SCFD2: variants seen among roughly 807,000 people sequenced by gnomAD.
SCFD2 encodes the protein sec1 family domain-containing protein 2.
A neutral mutation model predicts 58.9 loss-of-function variants in SCFD2; 54 were observed. The ratio of observed to expected loss-of-function variants is 0.92; its 90% CI spans 0.74 to 1.15. The LOEUF (loss-of-function observed/expected upper bound fraction) is 1.15. SCFD2 is among the 50% of genes most tolerant of loss of function. SCFD2 has a pLI of 0.00. For missense variants in SCFD2, 805 were observed against 836.6 expected (o/e 0.96, Z 0.47); for synonymous variants, 321 against 335.9 (o/e 0.96, Z 0.49).
At chr4:53,012,993 A>G (rs1722132500) in intron 5 of SCFD2, among the ~76,000 whole-genome samples, 1 of 152,092 alleles carries the variant, frequency 6.6e-6, no homozygotes, top group Admixed American at 6.6e-5. Context: ...GAACTCCACC[A>G]CACTTCCACT....
chr4:53,092,880 A>AC (rs1724513842), intron 5 of SCFD2, among the ~76,000 whole-genome samples: 1 of 152,146 alleles, frequency 6.6e-6, no homozygotes, highest in Non-Finnish European at 1.5e-5. Flanking sequence ...GACTAAAAAA[A>AC]CAAAACAGAG....
chr4:53,195,182 G>A (rs1728025543), intron 4 of SCFD2, among the ~76,000 whole-genome samples: 1 of 152,130 alleles, frequency 6.6e-6, no homozygotes, highest in South Asian at 2.1e-4. Context: ...TAAAAATCGA[G>A]TGCTGTAAGG....
intron 2 of SCFD2, among the ~76,000 whole-genome samples, chr4:53,323,919 T>C (rs542356247): frequency 6.6e-6 from 1 of 152,186 alleles, no homozygotes; most frequent in South Asian, 2.1e-4. Context: ...TTCTAAATTT[T>C]TGCAGCCACA....
At chr4:53,131,300 T>C (rs1288384734) in intron 5 of SCFD2, among the ~76,000 whole-genome samples, 1 of 152,188 alleles carries the variant, frequency 6.6e-6, no homozygotes, top group African/African-American at 2.4e-5. Flanking sequence ...TCGGTGGGTA[T>C]GCAACGAGTC....
At chr4:53,177,234 C>T (rs547418941) in intron 4 of SCFD2, among the ~76,000 whole-genome samples, 1 of 152,262 alleles carries the variant, frequency 6.6e-6, no homozygotes, top group East Asian at 1.9e-4. Flanking sequence ...ATCATATAAG[C>T]AGACAATGAT....
intron 4 of SCFD2, among the ~76,000 whole-genome samples, chr4:53,152,039 A>G (rs558456828): frequency 6.6e-6 from 1 of 152,142 alleles, no homozygotes; most frequent in African/African-American, 2.4e-5. Flanking sequence ...TAACCCAAAC[A>G]TCTCCCACCA....
chr4:53,003,759 T>C (rs2148802198), intron 5 of SCFD2, among the ~76,000 whole-genome samples: 1 of 152,330 alleles, frequency 6.6e-6, no homozygotes, highest in South Asian at 2.1e-4. Flanking sequence ...GTACATTTGG[T>C]CAATGAAGGC....
intron 4 of SCFD2, among the ~76,000 whole-genome samples, chr4:53,230,900 C>G (rs933547251): frequency 7.9e-5 from 12 of 152,014 alleles, no homozygotes; most frequent in African/African-American, 2.9e-4. Flanking sequence ...CTATAAAGAA[C>G]TATACATACA....
At chr4:52,920,974 T>G (rs1272016126) in intron 5 of SCFD2, 104 bp from the exon 6 acceptor site, 56 of 442,280 alleles carry the variant, frequency 1.3e-4, no homozygotes, top group Non-Finnish European at 2.0e-4. Flanking sequence ...TTTTTTTCTT[T>G]ATTATTATTA....
At chr4:53,249,608 C>T (rs1390883574) in intron 4 of SCFD2, among the ~76,000 whole-genome samples, 11 of 152,134 alleles carry the variant, frequency 7.2e-5, no homozygotes, top group Non-Finnish European at 1.0e-4. Flanking sequence ...GCAGATCTCT[C>T]GGCAAAAACT....
chr4:52,910,271 C>T (rs1202246629), intron 6 of SCFD2, among the ~76,000 whole-genome samples: 1 of 152,178 alleles, frequency 6.6e-6, no homozygotes, highest in Non-Finnish European at 1.5e-5. Context: ...TCTCTGCTGG[C>T]TGGAATGTAG....
chr4:53,133,220 C>T (rs955830237), intron 5 of SCFD2, among the ~76,000 whole-genome samples: 2 of 149,526 alleles, frequency 1.3e-5, no homozygotes, highest in Admixed American at 6.7e-5. Flanking sequence ...CCCAGCTACT[C>T]GGGAGGCTGA....
chr4:53,128,147 C>T (rs184282763), intron 5 of SCFD2, among the ~76,000 whole-genome samples: 3 of 148,554 alleles, frequency 2.0e-5, no homozygotes, highest in Admixed American at 2.0e-4. Context: ...TAAATTTAGA[C>T]ATAAATTGGC....
intron 7 of SCFD2, among the ~76,000 whole-genome samples, chr4:52,888,146 A>G (rs1203468158): frequency 6.6e-6 from 1 of 151,946 alleles, no homozygotes; most frequent in Non-Finnish European, 1.5e-5. Flanking sequence ...TCCTGACCTC[A>G]TGATCCACCC....
At chr4:52,899,070 T>C (rs1719105822) in intron 7 of SCFD2, among the ~76,000 whole-genome samples, 1 of 152,218 alleles carries the variant, frequency 6.6e-6, no homozygotes, top group Non-Finnish European at 1.5e-5. Context: ...GTTTCCTGAA[T>C]ACAGCACACT....
chr4:53,246,561 A>T (rs1441500036), intron 4 of SCFD2, among the ~76,000 whole-genome samples: 6 of 152,204 alleles, frequency 3.9e-5, no homozygotes, highest in Admixed American at 2.0e-4. Flanking sequence ...TGACCATCTA[A>T]TCTTTGACAA....
intron 5 of SCFD2, among the ~76,000 whole-genome samples, chr4:52,977,061 T>C (rs1721273012): frequency 6.6e-6 from 1 of 152,092 alleles, no homozygotes. Context: ...CCAGCTCATA[T>C]TCCTGTTATT....
intron 4 of SCFD2, among the ~76,000 whole-genome samples, chr4:53,225,831 A>G (rs1729194687): frequency 6.6e-6 from 1 of 152,194 alleles, no homozygotes; most frequent in Admixed American, 6.5e-5. Context: ...ACTAAGCCAT[A>G]CTATTATCAA....
In SCFD2 at chr4:52,873,953, T is replaced by A; in HGVS notation, c.*16A>T. ...GCATTTCCAGCTTGAGTAGGTCTTA[T>A]CTTCTTAGCGGATGCTCAGAAGCCA... On this transcript the variant is annotated 3_prime_UTR_variant, in exon 9 of 9. Transcript: ENST00000401642. The A allele has an allele frequency of 6.3e-7, 1 of 1,595,990 alleles. No individual in the cohort carries two copies. The highest frequency in any genetic ancestry group is 1.7e-5 in the Admixed American group (1 of 59,990).
Sources: gnomAD v4.1 joint callset for allele counts (sites outside exome capture counted in the v4.1 genomes callset) on GRCh38, gnomAD v4.1.1 for gene constraint, MANE v1.5 for transcripts, NCBI Gene and HGNC (gene_info 2026-07-23, HGNC 2026-07-21) for gene names.